Variants in RBFOX1 observed in about 807,000 individuals in gnomAD.
RBFOX1 encodes the protein RNA binding protein fox-1 homolog 1.
RBFOX1 carries 8 observed loss-of-function variants against 57.7 expected under a neutral mutation model. The ratio of observed to expected loss-of-function variants is 0.14; its 90% CI spans 0.08 to 0.25. The LOEUF is 0.25. Ranked by LOEUF, RBFOX1 falls within the 10% of genes least tolerant of loss-of-function variation. The pLI, the probability that RBFOX1 is intolerant of heterozygous loss-of-function variation, is 1.00. For synonymous variants in RBFOX1, 326 were observed against 222.4 expected, an observed-to-expected ratio of 1.47 and a Z score of -4.15; for missense variants, 611 against 548.5, an observed-to-expected ratio of 1.11 and a Z score of -1.14.
At chr16:6,645,253 C>A (rs765118207) in intron 2 of RBFOX1, among the ~76,000 whole-genome samples, 1 of 152,178 alleles carries the variant, frequency 6.6e-6, no homozygotes, top group Admixed American at 6.5e-5. Flanking sequence ...TATGTCTGCA[C>A]AGACTCCATT....
intron 2 of RBFOX1, among the ~76,000 whole-genome samples, chr16:6,631,934 G>A (rs1428314893): frequency 6.6e-6 from 1 of 152,216 alleles, no homozygotes; most frequent in Non-Finnish European, 1.5e-5. Context: ...GAGGTCAGTA[G>A]CGAAATGGGC....
intron 4 of RBFOX1, among the ~76,000 whole-genome samples, chr16:7,515,088 G>A (rs916900372): frequency 6.6e-6 from 1 of 152,098 alleles, no homozygotes; most frequent in Non-Finnish European, 1.5e-5. Context: ...AGCAGAAGCT[G>A]CCTCTGGCAC....
intron 3 of RBFOX1, among the ~76,000 whole-genome samples, chr16:6,833,401 A>T (rs1016599433): frequency 6.6e-6 from 1 of 152,102 alleles, no homozygotes; most frequent in African/African-American, 2.4e-5. Flanking sequence ...TCCTGACCTC[A>T]GGTGATCAAC....
intron 2 of RBFOX1, among the ~76,000 whole-genome samples, chr16:5,508,666 A>G (rs2043464382): frequency 2.0e-5 from 3 of 151,984 alleles, no homozygotes; most frequent in African/African-American, 7.2e-5. Context: ...GCCACACCCA[A>G]GATGGTGGGG....
intron 1 of RBFOX1, among the ~76,000 whole-genome samples, chr16:5,354,302 C>G (rs1228488683): frequency 1.3e-5 from 2 of 151,860 alleles, no homozygotes; most frequent in Admixed American, 6.6e-5. Context: ...ACTTTTTTTT[C>G]TCTATTCACT....
chr16:6,980,781 G>A (rs1050718712), intron 3 of RBFOX1, among the ~76,000 whole-genome samples: 4 of 152,120 alleles, frequency 2.6e-5, no homozygotes, highest in Non-Finnish European at 5.9e-5. Flanking sequence ...AGTAGCTCAT[G>A]CCTGTAATCC....
intron 4 of RBFOX1, among the ~76,000 whole-genome samples, chr16:7,094,478 C>G (rs763810291): frequency 9.2e-5 from 14 of 152,048 alleles, no homozygotes; most frequent in Non-Finnish European, 1.8e-4. Flanking sequence ...TCAAGTGGTT[C>G]TGGGGACTGG....
intron 1 of RBFOX1, among the ~76,000 whole-genome samples, chr16:5,430,871 T>C (rs1642522992): frequency 6.6e-6 from 1 of 152,204 alleles, no homozygotes; most frequent in African/African-American, 2.4e-5. Flanking sequence ...CAAAGAAGTT[T>C]TGCCCTGGTA....
At chr16:6,818,722 G>A (rs758712628) in intron 3 of RBFOX1, among the ~76,000 whole-genome samples, 1 of 152,056 alleles carries the variant, frequency 6.6e-6, no homozygotes, top group Non-Finnish European at 1.5e-5. Context: ...CCCTCAGTCT[G>A]TGTCATCAGA....
rs551984307 is a variant in RBFOX1 at position 7,339,767 on chromosome 16, G to C, written c.28-178380G>C. Among the ~76,000 whole-genome samples the C allele has an allele frequency of 5.3e-5, 8 of 152,242 alleles. No homozygotes were observed. The South Asian group carries it at 1.7e-3, about 32-fold the overall frequency. ...AAAGATATTTGTTAAGAATTCTTTT[G>C]TCTGCGATGAAGAAAATTCTAAGTC... On this transcript the variant is annotated intron_variant, in intron 4 of 15. Coordinates refer to ENST00000550418, the MANE Select transcript of RBFOX1 (RefSeq NM_018723.4).
chr16:7,398,519 C>T (rs7206230), intron 4 of RBFOX1, among the ~76,000 whole-genome samples: 1 of 152,160 alleles, frequency 6.6e-6, no homozygotes, highest in Non-Finnish European at 1.5e-5. Context: ...ACCCAGAAAA[C>T]AGAACAGATC....
At chr16:5,887,092 C>A (rs1019248486) in intron 4 of RBFOX1, among the ~76,000 whole-genome samples, 25 of 152,116 alleles carry the variant, frequency 1.6e-4, no homozygotes, top group Admixed American at 1.2e-3. Context: ...GTTGTGACAA[C>A]CAAAAATGTT....
At chr16:7,079,818 A>G (rs1188618815) in intron 4 of RBFOX1, among the ~76,000 whole-genome samples, 2 of 151,866 alleles carry the variant, frequency 1.3e-5, no homozygotes, top group Non-Finnish European at 2.9e-5. Flanking sequence ...CTTTAACCCC[A>G]TGGTTGCTAG....
At chr16:6,829,979 C>A (rs1023973004) in intron 3 of RBFOX1, among the ~76,000 whole-genome samples, 2 of 151,820 alleles carry the variant, frequency 1.3e-5, no homozygotes, top group Admixed American at 1.3e-4. Flanking sequence ...TGCAGTGGTG[C>A]AGTCTCAGCT....
intron 14 of RBFOX1, among the ~76,000 whole-genome samples, chr16:7,700,878 G>C (rs990709075): frequency 6.6e-6 from 1 of 152,150 alleles, no homozygotes; most frequent in African/African-American, 2.4e-5. Flanking sequence ...GAGAAAAGAT[G>C]ATGTGATCTG....
At chr16:5,760,106 G>A in intron 3 of RBFOX1, among the ~76,000 whole-genome samples, 1 of 151,782 alleles carries the variant, frequency 6.6e-6, no homozygotes, top group East Asian at 1.9e-4. Context: ...TATTTATTGA[G>A]TAGCTGTTAC....
chr16:7,519,634 G>A (rs2077096769), intron 5 of RBFOX1: 2 of 925,542 alleles, frequency 2.2e-6, no homozygotes, highest in East Asian at 1.2e-4. Flanking sequence ...TATGGAACAT[G>A]CATTTGGGAA....
chr16:7,305,141 G>GT (rs1305843885), intron 4 of RBFOX1, among the ~76,000 whole-genome samples: 267 of 151,156 alleles, frequency 1.8e-3, no homozygotes, highest in African/African-American at 5.6e-3. Flanking sequence ...GCGTGTGTGG[G>GT]TTTTTTTTTC....
intron 4 of RBFOX1, among the ~76,000 whole-genome samples, chr16:7,183,542 C>A (rs13331757): frequency 7.3e-4 from 111 of 152,262 alleles, no homozygotes; most frequent in African/African-American, 2.6e-3. Flanking sequence ...GTCAATAGTT[C>A]TGAATAAATG....
Sources: gnomAD v4.1 joint callset for allele counts (sites outside exome capture counted in the v4.1 genomes callset) on GRCh38, gnomAD v4.1.1 for gene constraint, MANE v1.5 for transcripts, NCBI Gene and HGNC (gene_info 2026-07-23, HGNC 2026-07-21) for gene names.